The following RABL2B variants were observed in gnomAD, a reference collection of about 807,000 sequenced individuals.
RABL2B encodes RAB, member of RAS oncogene family like 2B.
A neutral mutation model predicts 26.7 loss-of-function variants in RABL2B; 17 were observed. That is an observed-to-expected ratio of 0.64 (90% confidence interval 0.44 to 0.95). RABL2B has a LOEUF of 0.95. Among genes scored for constraint, RABL2B ranks in the 40% least tolerant of loss-of-function variants. The probability of loss-of-function intolerance (pLI) is 0.00; values close to 1 mark genes in which losing one functional copy is unlikely to be tolerated. For synonymous variants in RABL2B, 70 were observed against 103.9 expected (o/e 0.67, Z 1.99); for missense variants, 170 against 277.2 (o/e 0.61, Z 2.75).
chr22:50,771,477 A>G (rs1469026975), intron 5 of RABL2B: 1 of 151,340 alleles, frequency 6.6e-6, no homozygotes, highest in African/African-American at 2.4e-5. Context: ...GGGTTTCATC[A>G]TGTTGGCCAG....
intron 5 of RABL2B, among the ~76,000 whole-genome samples, chr22:50,775,356 G>A (rs2084816538): frequency 6.6e-6 from 1 of 152,172 alleles, no homozygotes; most frequent in Admixed American, 6.5e-5. Context: ...TGGCCTGAGA[G>A]AGAAGGTTCT....
Position 50,781,400 on chromosome 22 carries a change from AAGAG to A in RABL2B, c.107+784_107+787del, listed in dbSNP as rs3044691. Among the ~76,000 whole-genome samples the A allele has an allele frequency of 7.4e-3, 1,045 of 141,768 alleles. 14 individuals carry two copies. The highest frequency in any genetic ancestry group is 0.026 in the African/African-American group (1,008 of 38,262). The allele number at this position is 141,768 out of a possible 152,430, so 93.0% of individuals were successfully genotyped here. A position where few individuals can be genotyped will look rare whatever the true frequency, so the allele number is the denominator to read the frequency against. On this transcript the variant is annotated intron_variant, in intron 2 of 8. Transcript: ENST00000691320. The stretch of plus-strand genomic sequence containing the variant: ...TGCAGTATGTGATTGTGTGGTGGGG[AAGAG>A]AGAGAGAGAGAGAGAGAGACAGAGA...
intron 2 of RABL2B, among the ~76,000 whole-genome samples, chr22:50,779,692 A>G (rs2085502273): frequency 6.6e-6 from 1 of 152,206 alleles, no homozygotes; most frequent in Non-Finnish European, 1.5e-5. Context: ...TCAGAAAGCC[A>G]CGTCTTGTTG....
intron 5 of RABL2B, chr22:50,770,635 G>T (rs2084003319): frequency 6.6e-6 from 1 of 152,450 alleles, no homozygotes; most frequent in Non-Finnish European, 1.5e-5. Context: ...GTTAGAAATT[G>T]TAAAAACTTT....
At chr22:50,781,666 T>C (rs535592256) in intron 2 of RABL2B, among the ~76,000 whole-genome samples, 3 of 152,218 alleles carry the variant, frequency 2.0e-5, no homozygotes, top group Admixed American at 1.3e-4. Flanking sequence ...GGACGTCTCA[T>C]GGAGACAAGC....
chr22:50,779,148 A>AT (rs1249753630), intron 2 of RABL2B, among the ~76,000 whole-genome samples: 1 of 151,228 alleles, frequency 6.6e-6, no homozygotes, highest in African/African-American at 2.4e-5. Flanking sequence ...CAGTGGAAGA[A>AT]TAAAAACACA....
intron 5 of RABL2B, 23 bp from the exon 6 acceptor site, chr22:50,770,039 G>A (rs782276810): frequency 1.9e-6 from 3 of 1,613,702 alleles, no homozygotes; most frequent in Non-Finnish European, 2.5e-6. Flanking sequence ...GAGGAAGAAA[G>A]ATAGCTCAGG....
intron 5 of RABL2B, 174 bp from the exon 6 acceptor site, chr22:50,770,190 C>G: frequency 1.3e-6 from 1 of 797,330 alleles, no homozygotes; most frequent in South Asian, 1.8e-5. Flanking sequence ...GGGAAGCCCC[C>G]TGGAGCCTCC....
At chr22:50,769,389 T>C (rs782540820) in intron 7 of RABL2B, 66 bp downstream of exon 7, 4 of 1,611,676 alleles carry the variant, frequency 2.5e-6, no homozygotes, top group Non-Finnish European at 2.5e-6. Flanking sequence ...TAAGCCCTTC[T>C]CTTCACAGCT....
intron 2 of RABL2B, among the ~76,000 whole-genome samples, chr22:50,779,572 A>G (rs1185235261): frequency 6.6e-6 from 1 of 152,006 alleles, no homozygotes; most frequent in Non-Finnish European, 1.5e-5. Context: ...CTCTTTGCAC[A>G]ACGATGATAG....
At chr22:50,779,543 G>A (rs1312392744) in intron 2 of RABL2B, among the ~76,000 whole-genome samples, 1 of 151,412 alleles carries the variant, frequency 6.6e-6, no homozygotes, top group Admixed American at 6.6e-5. Context: ...GTTTTGGGTG[G>A]GGGGGGTGTG....
Position 50,775,861 on chromosome 22 carries a change from G to A in RABL2B, c.218-10C>T, listed in dbSNP as rs1555923438. The A allele has an allele frequency of 1.2e-6, 2 of 1,614,082 alleles. No homozygotes were observed. Among genetic ancestry groups the A allele is most frequent in the African/African-American group, 2.7e-5 (2 of 74,930 alleles). ...GCCGTGTCCCAAAAGTCTGCAATGTGAACACAGACAGACCTACATGCCTGG... is the reference window on the plus strand; with the variant it reads ...GCCGTGTCCCAAAAGTCTGCAATGTAAACACAGACAGACCTACATGCCTGG... On this transcript the variant is annotated splice_polypyrimidine_tract_variant and intron_variant, in intron 4 of 8. Coordinates refer to ENST00000691320, the MANE Select transcript of RABL2B (RefSeq NM_001130919.3).
At position 50,782,368 on chromosome 22, in the gene RABL2B, G is replaced by A. The variant is rs2147441895; in HGVS notation, c.-53-21C>T. 9 of 1,329,692 alleles carry A rather than the reference G, an allele frequency of 6.8e-6. No individual in the cohort carries two copies. In the South Asian group the frequency reaches 1.1e-4, roughly 16 times the overall value. The allele number at this position is 1,329,692 out of a possible 1,614,324, so 82.4% of individuals were successfully genotyped here. A position where few individuals can be genotyped will look rare whatever the true frequency, so the allele number is the denominator to read the frequency against. ...TGTCACTGTCTGGGAAGATCAACAA[G>A]AGGCTGTTGTCAGAGATAAGTCCCC... On this transcript the variant is annotated intron_variant, in intron 1 of 8. Transcript: ENST00000691320.
At position 50,773,995 on chromosome 22, in the gene RABL2B, C is replaced by A. The variant is rs868967291; in HGVS notation, c.297+1777G>T. 2.4e-4 allele frequency among the ~76,000 whole-genome samples: 36 copies of A among 152,144 alleles called. No individual in the cohort carries two copies. In the Middle Eastern group the frequency reaches 0.017, roughly 72 times the overall value. ...CTGCAAGCTCTGCCTCCCGGGTTCA[C>A]GCCATTCTCCTGCCTCAGCCTCCCC... On this transcript the variant is annotated intron_variant, in intron 5 of 8. Coordinates refer to ENST00000691320, the MANE Select transcript of RABL2B (RefSeq NM_001130919.3).
At chr22:50,772,321 G>A (rs1399423343) in intron 5 of RABL2B, 106 of 985,150 alleles carry the variant, frequency 1.1e-4, no homozygotes, top group Non-Finnish European at 1.2e-4. Flanking sequence ...GAGTCACCGC[G>A]CCCAGCCTGT....
intron 3 of RABL2B, among the ~76,000 whole-genome samples, chr22:50,777,435 C>G (rs2085163296): frequency 7.0e-6 from 1 of 143,430 alleles, no homozygotes; most frequent in Non-Finnish European, 1.5e-5. Context: ...ACCTGTGGTT[C>G]TCAGTGGATC....
At chr22:50,774,444 C>T (rs1400170184) in intron 5 of RABL2B, among the ~76,000 whole-genome samples, 1 of 150,324 alleles carries the variant, frequency 6.7e-6, no homozygotes, top group Non-Finnish European at 1.5e-5. Context: ...CAAATCAGCC[C>T]AAATGACAAA....
intron 2 of RABL2B, among the ~76,000 whole-genome samples, chr22:50,780,187 T>A (rs9616976): frequency 0.1 from 14,724 of 147,508 alleles, 882 homozygotes; most frequent in African/African-American, 0.18. Context: ...ATCAGAGCCC[T>A]CCAACAGAGC....
chr22:50,773,420 T>C (rs1555920491), intron 5 of RABL2B, among the ~76,000 whole-genome samples: 1 of 152,198 alleles, frequency 6.6e-6, no homozygotes, highest in Non-Finnish European at 1.5e-5. Context: ...GTATCTGTAC[T>C]GTGCCTACCA....
Sources: allele counts gnomAD v4.1 joint callset (sites outside exome capture counted in the v4.1 genomes callset), GRCh38; gene constraint gnomAD v4.1.1; transcripts MANE v1.5; gene names NCBI Gene and HGNC (gene_info 2026-07-23, HGNC 2026-07-21).